The following SLC38A6 variants were observed in gnomAD, a reference collection of about 807,000 sequenced individuals.
SLC38A6 encodes the protein N system amino acid transporter NAT-1.
A neutral mutation model predicts 65.0 loss-of-function variants in SLC38A6; 73 were observed. The observed-to-expected ratio is 1.12, with a 90% CI of 0.93 to 1.37. SLC38A6 has a LOEUF of 1.37. SLC38A6 is among the 40% of genes most tolerant of loss of function. The probability of loss-of-function intolerance (pLI) is 0.00; values close to 1 mark genes in which losing one functional copy is unlikely to be tolerated. For synonymous variants in SLC38A6, 183 were observed against 178.8 expected (o/e 1.02, Z -0.19); for missense variants, 561 against 531.1 (o/e 1.06, Z -0.55).
At chr14:61,043,587 C>A in intron 10 of SLC38A6, 84 bp downstream of exon 10, 1 of 902,560 alleles carries the variant, frequency 1.1e-6, no homozygotes, top group Non-Finnish European at 1.7e-6. Context: ...TCTCTTAGGT[C>A]TTTGTACCTG....
In SLC38A6 at chr14:61,025,872, A is replaced by T. The variant is rs182873668; in HGVS notation, c.404-4573A>T. Among the ~76,000 whole-genome samples, 37 of 152,292 alleles carry T rather than the reference A, an allele frequency of 2.4e-4. 1 individual carries two copies. In the East Asian group the frequency reaches 4.8e-3, roughly 20 times the overall value. On this transcript the variant is annotated intron_variant, in intron 5 of 15. Coordinates refer to ENST00000267488, the MANE Select transcript of SLC38A6 (RefSeq NM_153811.3). ...CATTGAATAGAATAAACCAGTTAGT[A>T]TCCATGACTAAAAACATGTTTGAAA... is the stretch of plus-strand genomic sequence containing the variant.
intron 15 of SLC38A6, among the ~76,000 whole-genome samples, chr14:61,070,196 A>C (rs2043184339): frequency 6.6e-6 from 1 of 152,204 alleles, no homozygotes; most frequent in Non-Finnish European, 1.5e-5. Context: ...GCCTAATTGA[A>C]CAGCAACTCC....
Position 61,037,668 on chromosome 14 carries a change from G to A in SLC38A6, c.609G>A (p.Met203Ile), listed in dbSNP as rs1377814126. ...GTAGTTTATCATTTTTCTTTATGAT[G>A]TTCTTTGCTCTTGTGGTAAGTTTAA... ...YTSSLSFFFMMFFALVVIIKK... is the reference protein window; with the variant it reads ...YTSSLSFFFMIFFALVVIIKK... Residue 203 changes from methionine to isoleucine, a missense_variant, in exon 8 of 16, where the codon ATG becomes ATA. Transcript: ENST00000267488. 3 of 1,591,044 alleles carry A rather than the reference G, an allele frequency of 1.9e-6. No homozygotes were observed. The highest frequency in any genetic ancestry group is 2.6e-6 in the Non-Finnish European group (3 of 1,164,522).
rs17097977 is a variant in SLC38A6 at position 61,043,003 on chromosome 14, C to G, written c.625-144C>G. 3.6e-3 allele frequency: 1,980 copies of G among 547,064 alleles called. 27 individuals are homozygous for G. The highest frequency in any genetic ancestry group is 0.036 in the African/African-American group (1,770 of 49,836). The allele number at this position is 547,064 out of a possible 1,614,324, so 33.9% of individuals were successfully genotyped here. ...CAGGTGACCATGTTAAATGTTGACC[C>G]CATTCTAACCGGGAAAAGTCACAGA... On this transcript the variant is annotated intron_variant, in intron 8 of 15. Transcript: ENST00000267488.
chr14:61,012,321 G>T lies in SLC38A6; in HGVS notation c.311-3583G>T, dbSNP rs974696262. Among the ~76,000 whole-genome samples the T allele has an allele frequency of 2.6e-5, 4 of 151,898 alleles. 1 individual carries two copies. The highest frequency in any genetic ancestry group is 4.2e-4 in the South Asian group (2 of 4,818). ...AGCGGTCTATCAATTTTGTTGATCT[G>T]TTCAAAAAAGCAGCTTCTGGATTCA... On this transcript the variant is annotated intron_variant, in intron 3 of 15. Transcript: ENST00000267488.
At chr14:61,074,126 A>T (rs2043319278) in intron 15 of SLC38A6, among the ~76,000 whole-genome samples, 1 of 152,180 alleles carries the variant, frequency 6.6e-6, no homozygotes, top group Non-Finnish European at 1.5e-5. Context: ...GAGAGTCAAA[A>T]ATTGTACACA....
At chr14:61,030,602 T>A in intron 6 of SLC38A6, 79 bp downstream of exon 6, 1 of 948,792 alleles carries the variant, frequency 1.1e-6, no homozygotes, top group South Asian at 1.6e-5. Context: ...TGGCAATACT[T>A]GTAGTGGCAG....
At chr14:61,005,086 C>T (rs1006877166) in intron 3 of SLC38A6, among the ~76,000 whole-genome samples, 7 of 152,238 alleles carry the variant, frequency 4.6e-5, no homozygotes, top group African/African-American at 1.7e-4. Flanking sequence ...AAGACAAAAA[C>T]CACATGTTTA....
At chr14:60,995,325 T>C (rs1256601887) in intron 3 of SLC38A6, among the ~76,000 whole-genome samples, 3 of 152,184 alleles carry the variant, frequency 2.0e-5, no homozygotes, top group Non-Finnish European at 4.4e-5. Flanking sequence ...ACAACATGCA[T>C]AGACATGGAG....
intron 5 of SLC38A6, among the ~76,000 whole-genome samples, chr14:61,023,481 G>A (rs1298304966): frequency 1.3e-5 from 2 of 151,542 alleles, no homozygotes; most frequent in Non-Finnish European, 2.9e-5. Context: ...GCTGAGGCAG[G>A]AAAATCGTTT....
At chr14:61,083,256 C>T (rs2043727318) in intron 16 of SLC38A6, among the ~76,000 whole-genome samples, 1 of 152,220 alleles carries the variant, frequency 6.6e-6, no homozygotes, top group Admixed American at 6.5e-5. Flanking sequence ...TGCCAGGCCA[C>T]TGTGGGTAGA....
At chr14:61,039,524 A>ATTTTTTTTTTTTTTTTTTT (rs5809078) in intron 8 of SLC38A6, among the ~76,000 whole-genome samples, 2 of 130,622 alleles carry the variant, frequency 1.5e-5, no homozygotes, top group Non-Finnish European at 1.6e-5. Flanking sequence ...GTGCATGCTA[A>ATTTTTTTTTTTTTTTTTTT]TTTTTTTTTT....
chr14:61,063,109 CTTTT>C (rs1326170542), intron 15 of SLC38A6, among the ~76,000 whole-genome samples: 1 of 151,980 alleles, frequency 6.6e-6, no homozygotes, highest in African/African-American at 2.4e-5. Context: ...TTGGGTCAAT[CTTTT>C]GTTTGTTTGT....
chr14:61,046,096 C>G lies in SLC38A6; in HGVS notation c.854C>G (p.Thr285Ser). Residue 285 changes from threonine (T) to serine (S), a missense_variant, in exon 12 of 16, where the codon ACC becomes AGC. Coordinates refer to ENST00000267488, the MANE Select transcript of SLC38A6 (RefSeq NM_153811.3). ...TCAAAGAAAAGAATGCAGAATGTTACCAATACAGCAATTGCTTTAAGTTTT... is the reference window on the plus strand; with the variant it reads ...TCAAAGAAAAGAATGCAGAATGTTAGCAATACAGCAATTGCTTTAAGTTTT... ...SPSKKRMQNVTNTAIALSFLI... is the reference protein window; with the variant it reads ...SPSKKRMQNVSNTAIALSFLI... The G allele has an allele frequency of 1.9e-6, 3 of 1,610,614 alleles. No individual in the cohort carries two copies. The highest frequency in any genetic ancestry group is 2.5e-6 in the Non-Finnish European group (3 of 1,177,670).
chr14:61,050,271 C>T (rs556874983), intron 12 of SLC38A6, among the ~76,000 whole-genome samples: 67 of 152,056 alleles, frequency 4.4e-4, no homozygotes, highest in Non-Finnish European at 8.5e-4. Flanking sequence ...ATTTAGTATA[C>T]ATATTCATTG....
At chr14:61,018,587 C>A (rs2040163353) in intron 4 of SLC38A6, among the ~76,000 whole-genome samples, 1 of 152,152 alleles carries the variant, frequency 6.6e-6, no homozygotes. Flanking sequence ...CAGCTCCAGG[C>A]ATACGTTGGG....
In SLC38A6 at chr14:61,051,802, A is replaced by G; in HGVS notation, c.1066A>G (p.Thr356Ala). ...TGTAATACAGGCCAGAAAAGCTGTA[A>G]CAATGATGTTTTTCTCCAATTTTCC... ...LIHFPARKAV[T>A]MMFFSNFPFS... Residue 356 changes from threonine to alanine, a missense_variant, in exon 14 of 16, where the codon ACA becomes GCA. Coordinates refer to ENST00000267488, the MANE Select transcript of SLC38A6 (RefSeq NM_153811.3). 6.2e-7 allele frequency: 1 copy of G among 1,612,144 alleles called. No individual in the cohort carries two copies.
intron 15 of SLC38A6, among the ~76,000 whole-genome samples, chr14:61,069,050 G>T (rs2043130216): frequency 6.6e-6 from 1 of 151,998 alleles, no homozygotes; most frequent in African/African-American, 2.4e-5. Flanking sequence ...CTGTTCTTTG[G>T]CATCACTTGG....
At chr14:61,066,098 A>T (rs185771344) in intron 15 of SLC38A6, among the ~76,000 whole-genome samples, 1 of 152,210 alleles carries the variant, frequency 6.6e-6, no homozygotes, top group Admixed American at 6.5e-5. Flanking sequence ...AGGTGTCATA[A>T]TTTTTGACCT....
Sources: allele counts gnomAD v4.1 joint callset (sites outside exome capture counted in the v4.1 genomes callset), GRCh38; gene constraint gnomAD v4.1.1; transcripts MANE v1.5; gene names NCBI Gene and HGNC (gene_info 2026-07-23, HGNC 2026-07-21).